GOLT1A: variants seen among roughly 807,000 people sequenced by gnomAD.
GOLT1A encodes the protein vesicle transport protein GOT1A.
A neutral mutation model predicts 16.1 loss-of-function variants in GOLT1A; 10 were observed. That is an observed-to-expected ratio of 0.62 (90% confidence interval 0.38 to 1.05). The LOEUF is 1.05. Ranked by LOEUF, GOLT1A falls within the 50% of genes least tolerant of loss-of-function variation. GOLT1A has a pLI of 0.01. For missense variants in GOLT1A, 137 were observed against 165.7 expected (o/e 0.83, Z 0.95); for synonymous variants, 60 against 67.9 (o/e 0.88, Z 0.57).
rs1403503619 is a variant in GOLT1A, at chr1:204,213,872, T to C, written c.25+10A>G. 1 of 1,612,984 alleles carries C rather than the reference T, an allele frequency of 6.2e-7. No homozygotes were observed. The highest frequency in any genetic ancestry group is 2.2e-5 in the East Asian group (1 of 44,848). On this transcript the variant is annotated intron_variant, in intron 1 of 4. Transcript: ENST00000308302. ...GGATAGCCCATTGCAGCCCCGCTCA[T>C]CCCACTTACTCTGCCATTCGGTGAT...
chr1:204,211,931 G>A (rs139016008), intron 1 of GOLT1A, among the ~76,000 whole-genome samples: 1 of 152,250 alleles, frequency 6.6e-6, no homozygotes, highest in African/African-American at 2.4e-5. Flanking sequence ...GCCCCAAAAT[G>A]TCAATAGTGG....
intron 1 of GOLT1A, among the ~76,000 whole-genome samples, chr1:204,208,966 A>G (rs999361182): frequency 2.0e-5 from 3 of 152,170 alleles, no homozygotes; most frequent in Admixed American, 2.0e-4. Context: ...AAGTTTCATC[A>G]GTTACTCCAG....
At chr1:204,203,039 G>C (rs771195020) in intron 1 of GOLT1A, 52 bp from the exon 2 acceptor site, 1 of 1,480,640 alleles carries the variant, frequency 6.8e-7, no homozygotes, top group Admixed American at 1.7e-5. Flanking sequence ...AGCAGGTGGG[G>C]ACCCTGAAAC....
intron 1 of GOLT1A, among the ~76,000 whole-genome samples, chr1:204,208,476 G>A (rs56391546): frequency 0.063 from 2,259 of 35,800 alleles, 114 homozygotes; most frequent in Non-Finnish European, 0.081. Flanking sequence ...GTGTGTGTGT[G>A]TATATATATA....
At chr1:204,212,328 T>C (rs1557988504) in intron 1 of GOLT1A, among the ~76,000 whole-genome samples, 2 of 152,158 alleles carry the variant, frequency 1.3e-5, no homozygotes, top group Non-Finnish European at 1.5e-5. Context: ...GTCTCCACCT[T>C]CACACACTCA....
chr1:204,201,529 C>G, intron 3 of GOLT1A, 104 bp downstream of exon 3: 1 of 1,203,670 alleles, frequency 8.3e-7, no homozygotes, highest in Non-Finnish European at 1.2e-6. Flanking sequence ...TGGTTCTCAT[C>G]TCTTGCAGGA....
chr1:204,210,127 G>A (rs1041106181), intron 1 of GOLT1A, among the ~76,000 whole-genome samples: 4 of 152,176 alleles, frequency 2.6e-5, no homozygotes, highest in Admixed American at 2.0e-4. Flanking sequence ...GTCCACTTCT[G>A]CAGGCAATGC....
chr1:204,208,293 G>A (rs535935239), intron 1 of GOLT1A, among the ~76,000 whole-genome samples: 1 of 145,998 alleles, frequency 6.8e-6, no homozygotes, highest in African/African-American at 2.7e-5. Context: ...TAAATAAATT[G>A]TGATGTGTAT....
chr1:204,198,855 C>A (rs2102333638), intron 4 of GOLT1A: 1 of 471,950 alleles, frequency 2.1e-6, no homozygotes. Flanking sequence ...CCGCACTTAG[C>A]CAGATCCCCA....
chr1:204,209,961 G>C (rs575917651), intron 1 of GOLT1A, among the ~76,000 whole-genome samples: 80 of 152,316 alleles, frequency 5.3e-4, no homozygotes, highest in African/African-American at 1.8e-3. Context: ...GGGAGGCTGA[G>C]GCAGGAGAAT....
At chr1:204,206,242 C>G (rs1250494789) in intron 1 of GOLT1A, among the ~76,000 whole-genome samples, 2 of 152,130 alleles carry the variant, frequency 1.3e-5, no homozygotes, top group African/African-American at 2.4e-5. Context: ...AACATATCAC[C>G]CAGCTGCCCA....
intron 3 of GOLT1A, among the ~76,000 whole-genome samples, chr1:204,201,193 G>C (rs1483152228): frequency 6.6e-6 from 1 of 152,212 alleles, no homozygotes; most frequent in Non-Finnish European, 1.5e-5. Flanking sequence ...TCACATACTA[G>C]TTTGAGACTT....
rs149024146 is a variant in GOLT1A, at chr1:204,201,745, G to T, written c.184C>A (p.Arg62=). Residue 62 remains arginine, a synonymous_variant, in exon 3 of 5, where the codon CGG becomes AGG. Transcript: ENST00000308302. ...AAGCTGGTTCCCTTGAGTTTGTGCC[G>T]TTGGAAGAAGAACCAAAAGGTCTTC... ...LRKTFWFFFQ[R]HKLKGTSFLL... 6,123 of 1,614,138 alleles carry T rather than the reference G, an allele frequency of 3.8e-3. 13 individuals carry two copies. Among genetic ancestry groups the T allele is most frequent in the Non-Finnish European group, 4.2e-3 (4,987 of 1,180,022 alleles).
chr1:204,211,344 TCCTGCCACTGTCCCTATTG>T (rs1391058933), intron 1 of GOLT1A, among the ~76,000 whole-genome samples: 5 of 152,074 alleles, frequency 3.3e-5, no homozygotes, highest in African/African-American at 9.7e-5. Context: ...CCACCTCATC[TCCTGCCACTGTCCCTATTG>T]CCTGCCATGC....
chr1:204,198,445 T>A lies in GOLT1A; in HGVS notation c.*13A>T. The stretch of plus-strand genomic sequence containing the variant: ...AACCAATGATCCAAGTTCAAGGAGC[T>A]CATCTCTGTTTTTCAGACCATCGAG... On this transcript the variant is annotated 3_prime_UTR_variant, in exon 5 of 5. Coordinates refer to ENST00000308302, the MANE Select transcript of GOLT1A (RefSeq NM_198447.2). 11 of 1,613,252 alleles carry A rather than the reference T, an allele frequency of 6.8e-6. No homozygotes were observed. The highest frequency in any genetic ancestry group is 9.3e-6 in the Non-Finnish European group (11 of 1,179,446).
In GOLT1A at chr1:204,200,299, G is replaced by GTATATATATATATATATA. The variant is rs141284578; in HGVS notation, c.297-1059_297-1042dup. Among the ~76,000 whole-genome samples the GTATATATATATATATATA allele has an allele frequency of 2.2e-3, 184 of 82,620 alleles. 9 individuals are homozygous for GTATATATATATATATATA. Among genetic ancestry groups the GTATATATATATATATATA allele is most frequent in the Non-Finnish European group, 2.9e-3 (124 of 42,722 alleles). 54.2% of individuals were successfully genotyped at this position (82,620 alleles called of 152,430 possible). ...GACTGTTTGAAAATGACATATATGTGTATATATATATATATATATATGTTT... is the reference window on the plus strand; with the variant it reads ...GACTGTTTGAAAATGACATATATGTGTATATATATATATATATATATATATATATATATATATATGTTT... On this transcript the variant is annotated intron_variant, in intron 3 of 4. Transcript: ENST00000308302.
intron 1 of GOLT1A, among the ~76,000 whole-genome samples, chr1:204,204,886 T>C (rs1385522942): frequency 1.4e-5 from 2 of 145,016 alleles, no homozygotes; most frequent in African/African-American, 5.8e-5. Flanking sequence ...GTAGTATACA[T>C]TGTGGTTTTG....
chr1:204,200,588 A>G (rs1295851121), intron 3 of GOLT1A, among the ~76,000 whole-genome samples: 1 of 151,886 alleles, frequency 6.6e-6, no homozygotes, highest in East Asian at 1.9e-4. Flanking sequence ...TCGGCCTCCC[A>G]AAGTGCTGGG....
chr1:204,198,389 G>T lies in GOLT1A; in HGVS notation c.*69C>A. ...AGTGAGTCAGTGCAGGGGACTGAGG[G>T]GGTGGTTCCCATTCTCCCTCTAGCC... On this transcript the variant is annotated 3_prime_UTR_variant, in exon 5 of 5. Coordinates refer to ENST00000308302, the MANE Select transcript of GOLT1A (RefSeq NM_198447.2). The T allele has an allele frequency of 3.5e-6, 5 of 1,410,720 alleles. No individual in the cohort carries two copies. Among genetic ancestry groups the T allele is most frequent in the South Asian group, 3.5e-5 (3 of 86,810 alleles). The allele number at this position is 1,410,720 out of a possible 1,614,324, so 87.4% of individuals were successfully genotyped here. A position where few individuals can be genotyped will look rare whatever the true frequency, so the allele number is the denominator to read the frequency against.
Sources: allele counts gnomAD v4.1 joint callset (sites outside exome capture counted in the v4.1 genomes callset), GRCh38; gene constraint gnomAD v4.1.1; transcripts MANE v1.5; gene names NCBI Gene and HGNC (gene_info 2026-07-23, HGNC 2026-07-21).